HDAC9: variants seen among roughly 807,000 people sequenced by gnomAD.
HDAC9 encodes the protein MEF-2 interacting transcription repressor (MITR) protein.
HDAC9 carries 41 observed loss-of-function variants against 139.4 expected under a neutral mutation model. The ratio of observed to expected loss-of-function variants is 0.29; its 90% CI spans 0.23 to 0.38. HDAC9 has a LOEUF of 0.38. Among genes scored for constraint, HDAC9 ranks in the 10% least tolerant of loss-of-function variants. HDAC9 has a pLI of 1.00. For synonymous variants in HDAC9, 517 were observed against 476.2 expected, an observed-to-expected ratio of 1.09 and a Z score of -1.12; for missense variants, 1,147 against 1,297.0, an observed-to-expected ratio of 0.88 and a Z score of 1.78.
intron 2 of HDAC9, among the ~76,000 whole-genome samples, chr7:18,255,785 C>A (rs150681199): frequency 0.02 from 3,058 of 151,990 alleles, 44 homozygotes; most frequent in Middle Eastern, 0.054. Flanking sequence ...CGCACCATCA[C>A]GCCCAGCTAA....
chr7:18,699,732 T>C (rs1271023494), intron 12 of HDAC9, among the ~76,000 whole-genome samples: 1 of 152,164 alleles, frequency 6.6e-6, no homozygotes, highest in East Asian at 1.9e-4. Context: ...ATATTCCCCA[T>C]TGATTCCAGT....
intron 1 of HDAC9, among the ~76,000 whole-genome samples, chr7:18,123,672 C>T (rs764728300): frequency 6.6e-6 from 1 of 152,120 alleles, no homozygotes; most frequent in Non-Finnish European, 1.5e-5. Flanking sequence ...CTTTGGTTCC[C>T]ATGACCTGGG....
Position 18,809,675 on chromosome 7 carries a change from G to A in HDAC9, c.2322+16223G>A, listed in dbSNP as rs368411287. Among the ~76,000 whole-genome samples the A allele has an allele frequency of 2.8e-4, 42 of 152,032 alleles. No individual in the cohort carries two copies. The South Asian group carries it at 8.3e-3, about 30-fold the overall frequency. On this transcript the variant is annotated intron_variant, in intron 17 of 25. Coordinates refer to ENST00000686413, the MANE Select transcript of HDAC9 (RefSeq NM_178425.4). Reference sequence around the variant, plus strand: ...AAATGTAAATGAAAATGAAAATGATGTACCTCACACCTGTTGGGATGGCTG... The same window carrying A: ...AAATGTAAATGAAAATGAAAATGATATACCTCACACCTGTTGGGATGGCTG...
chr7:18,810,191 G>A (rs1794063851), intron 17 of HDAC9, among the ~76,000 whole-genome samples: 1 of 151,184 alleles, frequency 6.6e-6, no homozygotes, highest in African/African-American at 2.4e-5. Context: ...AGAAGGAAAT[G>A]GAGAGGTTAT....
intron 17 of HDAC9, among the ~76,000 whole-genome samples, chr7:18,817,525 G>A (rs1342366964): frequency 6.6e-6 from 1 of 152,120 alleles, no homozygotes; most frequent in Admixed American, 6.5e-5. Flanking sequence ...TCTTTCAAAA[G>A]CATTATGTCC....
chr7:18,443,731 A>G (rs1165081715), intron 1 of HDAC9, among the ~76,000 whole-genome samples: 2 of 151,980 alleles, frequency 1.3e-5, no homozygotes, highest in East Asian at 3.9e-4. Flanking sequence ...TATGTGTTGG[A>G]TGACAGTAGA....
At position 19,001,895 on chromosome 7, in the gene HDAC9, G is replaced by C. The variant is rs1448578967; in HGVS notation, c.*5833G>C. ...CAGGAAACCAATATTTAGTACTTTTGTGATTAAACATTCTAGACCAGGCTT... is the reference window on the plus strand; with the variant it reads ...CAGGAAACCAATATTTAGTACTTTTCTGATTAAACATTCTAGACCAGGCTT... On this transcript the variant is annotated 3_prime_UTR_variant, in exon 26 of 26. Coordinates refer to ENST00000686413, the MANE Select transcript of HDAC9 (RefSeq NM_178425.4). 1 of 152,084 alleles carries C rather than the reference G, an allele frequency of 6.6e-6. No homozygotes were observed. The highest frequency in any genetic ancestry group is 1.5e-5 in the Non-Finnish European group (1 of 67,962). 9.4% of individuals were successfully genotyped at this position (152,084 alleles called of 1,614,324 possible). A position where few individuals can be genotyped will look rare whatever the true frequency, so the allele number is the denominator to read the frequency against.
chr7:18,121,330 C>T (rs188376310), intron 1 of HDAC9, among the ~76,000 whole-genome samples: 17 of 152,098 alleles, frequency 1.1e-4, no homozygotes, highest in Admixed American at 3.3e-4. Context: ...TATACTTGCC[C>T]GTAGAGTTTT....
At chr7:18,481,337 T>C (rs1449568008) in intron 1 of HDAC9, among the ~76,000 whole-genome samples, 1 of 152,230 alleles carries the variant, frequency 6.6e-6, no homozygotes, top group Non-Finnish European at 1.5e-5. Flanking sequence ...GAATTTTCTC[T>C]GGAACGCAAT....
chr7:18,541,999 T>G (rs1246395438), intron 2 of HDAC9, among the ~76,000 whole-genome samples: 1 of 152,152 alleles, frequency 6.6e-6, no homozygotes, highest in Non-Finnish European at 1.5e-5. Flanking sequence ...TTCTTTGTTG[T>G]GGGGTGCCAT....
chr7:18,803,383 G>A lies in HDAC9; in HGVS notation c.2322+9931G>A, dbSNP rs138962741. 3.3e-5 allele frequency among the ~76,000 whole-genome samples: 5 copies of A among 152,142 alleles called. No individual in the cohort carries two copies. In the East Asian group the frequency reaches 5.8e-4, roughly 18 times the overall value. Reference sequence around the variant, plus strand: ...CATCAGTGTTTCTCTATACTTGCTCGCTATTTACCATTTTTCTTATCACCA... The same window carrying A: ...CATCAGTGTTTCTCTATACTTGCTCACTATTTACCATTTTTCTTATCACCA... On this transcript the variant is annotated intron_variant, in intron 17 of 25. Transcript: ENST00000686413.
chr7:18,764,761 C>A (rs1419501321), intron 15 of HDAC9, among the ~76,000 whole-genome samples: 1 of 152,004 alleles, frequency 6.6e-6, no homozygotes, highest in African/African-American at 2.4e-5. Flanking sequence ...TTACTACATC[C>A]CCCAGTTCCT....
chr7:18,815,405 A>G (rs1458168845), intron 17 of HDAC9, among the ~76,000 whole-genome samples: 3 of 152,184 alleles, frequency 2.0e-5, no homozygotes, highest in Non-Finnish European at 4.4e-5. Flanking sequence ...TTGCCTTACC[A>G]AGACCACATC....
intron 16 of HDAC9, among the ~76,000 whole-genome samples, chr7:18,784,688 G>C (rs765398438): frequency 8.6e-5 from 13 of 152,016 alleles, no homozygotes; most frequent in Non-Finnish European, 1.9e-4. Context: ...TAAAGAAATG[G>C]TGTAAACAAC....
intron 1 of HDAC9, among the ~76,000 whole-genome samples, chr7:18,412,454 T>C (rs1365810182): frequency 1.3e-5 from 2 of 152,170 alleles, no homozygotes; most frequent in Non-Finnish European, 2.9e-5. Flanking sequence ...ATGGTATTAG[T>C]GATTGCTTGC....
At chr7:18,303,241 G>A (rs559166169) in intron 1 of HDAC9, among the ~76,000 whole-genome samples, 2 of 151,550 alleles carry the variant, frequency 1.3e-5, no homozygotes, top group East Asian at 3.9e-4. Flanking sequence ...TTTTTGAGAC[G>A]GAGTCTTGCT....
At chr7:18,790,987 G>A (rs1045796308) in intron 16 of HDAC9, among the ~76,000 whole-genome samples, 20 of 152,172 alleles carry the variant, frequency 1.3e-4, no homozygotes, top group Non-Finnish European at 5.9e-5. Flanking sequence ...ATTAGTAGAA[G>A]TTTAGACACC....
At position 18,679,929 on chromosome 7, in the gene HDAC9, C is replaced by G. The variant is rs190835555; in HGVS notation, c.1731+13453C>G. ...TAAGTTAAAAGTGCCTTGCAGTCTT[C>G]TAATTTGGGATCCCTGTTAAGCAGT... On this transcript the variant is annotated intron_variant, in intron 12 of 25. Coordinates refer to ENST00000686413, the MANE Select transcript of HDAC9 (RefSeq NM_178425.4). 3.3e-5 allele frequency among the ~76,000 whole-genome samples: 5 copies of G among 152,012 alleles called. No individual in the cohort carries two copies. In the East Asian group the frequency reaches 9.7e-4, roughly 30 times the overall value.
chr7:18,162,498 T>C, intron 2 of HDAC9: 2 of 674,750 alleles, frequency 3.0e-6, no homozygotes, highest in Non-Finnish European at 5.0e-6. Context: ...AATTTTGCAT[T>C]CGATAGCTAA....
Sources: gnomAD v4.1 joint callset for allele counts (sites outside exome capture counted in the v4.1 genomes callset) on GRCh38, gnomAD v4.1.1 for gene constraint, MANE v1.5 for transcripts, NCBI Gene and HGNC (gene_info 2026-07-23, HGNC 2026-07-21) for gene names.